The following TNNI3K variants were observed in gnomAD, a reference collection of about 807,000 sequenced individuals.
The protein encoded by TNNI3K is serine/threonine-protein kinase TNNI3K.
A neutral mutation model predicts 114.5 loss-of-function variants in TNNI3K; 140 were observed. The observed-to-expected ratio is 1.22, with a 90% CI of 1.07 to 1.41. The LOEUF (loss-of-function observed/expected upper bound fraction) is 1.41, where lower values mean the gene tolerates loss of function less well. TNNI3K is among the 40% of genes most tolerant of loss of function. The probability of loss-of-function intolerance (pLI) is 0.00; values close to 1 mark genes in which losing one functional copy is unlikely to be tolerated. For missense variants in TNNI3K, 1,125 were observed against 1,007.6 expected, an observed-to-expected ratio of 1.12 and a Z score of -1.58; for synonymous variants, 347 against 347.5, an observed-to-expected ratio of 1.00 and a Z score of 0.02.
chr1:74,413,085 T>C (rs1303025085), intron 17 of TNNI3K, among the ~76,000 whole-genome samples: 7 of 152,208 alleles, frequency 4.6e-5, no homozygotes. Context: ...CATGAATTGA[T>C]TATTGGTAAT....
intron 17 of TNNI3K, chr1:74,374,580 C>G (rs1478866402): frequency 1.3e-5 from 2 of 151,912 alleles, no homozygotes; most frequent in African/African-American, 4.8e-5. Context: ...TTTAAAAAGT[C>G]AATTCCTGTG....
intron 18 of TNNI3K, 95 bp from the exon 19 acceptor site, chr1:74,436,377 GAC>G: frequency 7.3e-7 from 1 of 1,368,878 alleles, no homozygotes; most frequent in Non-Finnish European, 9.8e-7. Flanking sequence ...ATTTGAATAA[GAC>G]AGAAGTCTCT....
At chr1:74,445,687 T>C (rs1384175338) in intron 20 of TNNI3K, among the ~76,000 whole-genome samples, 1 of 147,330 alleles carries the variant, frequency 6.8e-6, no homozygotes, top group African/African-American at 2.6e-5. Flanking sequence ...CTCGGCTCAC[T>C]GCAAGTTCCG....
At chr1:74,375,005 C>T (rs1192924805) in intron 17 of TNNI3K, 1 of 151,886 alleles carries the variant, frequency 6.6e-6, no homozygotes, top group African/African-American at 2.4e-5. Context: ...TATTCTCCTT[C>T]TATAAAGATA....
At chr1:74,392,370 T>C (rs1347892425) in intron 17 of TNNI3K, among the ~76,000 whole-genome samples, 1 of 152,176 alleles carries the variant, frequency 6.6e-6, no homozygotes, top group Non-Finnish European at 1.5e-5. Flanking sequence ...AGGAGCTCAG[T>C]ATGAGCCTGC....
At chr1:74,240,143 T>C in intron 2 of TNNI3K, 1 of 233,148 alleles carries the variant, frequency 4.3e-6, no homozygotes, top group Non-Finnish European at 9.0e-6. Flanking sequence ...ATCTCCCCAC[T>C]AGTATATGTG....
chr1:74,271,507 G>A, intron 4 of TNNI3K, 91 bp from the exon 5 acceptor site: 6 of 1,248,338 alleles, frequency 4.8e-6, no homozygotes, highest in Middle Eastern at 2.4e-4. Flanking sequence ...ACCTGAACTG[G>A]CTGATAGGCA....
At chr1:74,261,986 A>G (rs751000813) in intron 4 of TNNI3K, among the ~76,000 whole-genome samples, 1 of 152,102 alleles carries the variant, frequency 6.6e-6, no homozygotes, top group African/African-American at 2.4e-5. Flanking sequence ...AACTGTGCCC[A>G]TCAGAAAACT....
chr1:74,505,415 G>T (rs1293887958), intron 23 of TNNI3K, among the ~76,000 whole-genome samples: 2 of 152,194 alleles, frequency 1.3e-5, no homozygotes, highest in South Asian at 4.1e-4. Flanking sequence ...CTGTTGCTAT[G>T]TTCGCAGCAA....
chr1:74,250,660 T>A lies in TNNI3K; in HGVS notation c.236-12T>A. ...CACAATGATTTAGCCTTTTTTCATT[T>A]TTCTCTTTAAGGCAAGAAATCACAT... On this transcript the variant is annotated splice_polypyrimidine_tract_variant and intron_variant, in intron 3 of 24. Transcript: ENST00000326637. 1 of 1,606,694 alleles carries A rather than the reference T, an allele frequency of 6.2e-7. No individual in the cohort carries two copies. Among genetic ancestry groups the A allele is most frequent in the South Asian group, 1.1e-5 (1 of 89,490 alleles).
chr1:74,464,966 T>G lies in TNNI3K; in HGVS notation c.2121+1416T>G, dbSNP rs1667605142. On this transcript the variant is annotated intron_variant, in intron 21 of 24. Coordinates refer to ENST00000326637, the MANE Select transcript of TNNI3K (RefSeq NM_015978.3). ...TTCAATCTCTGCATCTGAATTTTGA[T>G]GTCCAGAAAATTTCATCTTGAAAAT... 3.3e-6 allele frequency: 4 copies of G among 1,219,242 alleles called. No individual in the cohort carries two copies. In the South Asian group the frequency reaches 1.5e-4, roughly 44 times the overall value. 75.5% of individuals were successfully genotyped at this position (1,219,242 alleles called of 1,614,324 possible).
intron 5 of TNNI3K, among the ~76,000 whole-genome samples, chr1:74,321,577 G>A (rs779543445): frequency 6.6e-6 from 1 of 151,856 alleles, no homozygotes; most frequent in African/African-American, 2.4e-5. Context: ...TTCCTGAGAA[G>A]TGATGCTAAA....
chr1:74,537,916 C>G (rs529190301), intron 23 of TNNI3K, among the ~76,000 whole-genome samples: 1 of 152,128 alleles, frequency 6.6e-6, no homozygotes, highest in Admixed American at 6.6e-5. Flanking sequence ...TCTTTTAATT[C>G]TCATGATTAA....
chr1:74,349,763 G>A (rs899131417), intron 9 of TNNI3K, among the ~76,000 whole-genome samples: 4 of 152,126 alleles, frequency 2.6e-5, no homozygotes, highest in Admixed American at 6.6e-5. Flanking sequence ...TTGCATAGAG[G>A]TGTTTATAGT....
intron 21 of TNNI3K, among the ~76,000 whole-genome samples, chr1:74,482,317 T>G (rs957334558): frequency 6.6e-6 from 1 of 152,172 alleles, no homozygotes; most frequent in African/African-American, 2.4e-5. Flanking sequence ...GTTCTGTAAA[T>G]GAGAAGGGGG....
intron 2 of TNNI3K, among the ~76,000 whole-genome samples, chr1:74,239,707 A>G (rs1310099632): frequency 6.6e-6 from 1 of 152,176 alleles, no homozygotes; most frequent in Admixed American, 6.5e-5. Context: ...TTTTCACCAC[A>G]TAATACACCA....
chr1:74,384,306 A>C (rs2100554530), intron 17 of TNNI3K, among the ~76,000 whole-genome samples: 1 of 152,260 alleles, frequency 6.6e-6, no homozygotes, highest in East Asian at 1.9e-4. Flanking sequence ...CTAGTCACTA[A>C]AGCCTGCCTA....
At chr1:74,485,531 G>A (rs1051268170) in intron 21 of TNNI3K, among the ~76,000 whole-genome samples, 7 of 152,108 alleles carry the variant, frequency 4.6e-5, no homozygotes, top group Non-Finnish European at 1.0e-4. Flanking sequence ...CCTGTCCCCT[G>A]GTGTACATGC....
chr1:74,355,199 A>C (rs527690361), intron 11 of TNNI3K, among the ~76,000 whole-genome samples: 1 of 152,358 alleles, frequency 6.6e-6, no homozygotes, highest in South Asian at 2.1e-4. Context: ...TGTGTAAAGA[A>C]ACATAGTTAT....
Sources: allele counts gnomAD v4.1 joint callset (sites outside exome capture counted in the v4.1 genomes callset), GRCh38; gene constraint gnomAD v4.1.1; transcripts MANE v1.5; gene names NCBI Gene and HGNC (gene_info 2026-07-23, HGNC 2026-07-21).